CHL1: variants seen among roughly 807,000 people sequenced by gnomAD.
The protein encoded by CHL1 is neural cell adhesion molecule L1-like protein.
A neutral mutation model predicts 141.9 loss-of-function variants in CHL1; 96 were observed. That is an observed-to-expected ratio of 0.68 (90% CI 0.57 to 0.80). CHL1 has a LOEUF of 0.80. Ranked by LOEUF, CHL1 falls within the 30% of genes least tolerant of loss-of-function variation. The pLI is 0.00. For missense variants in CHL1, 1,820 were observed against 1,457.2 expected, an observed-to-expected ratio of 1.25 and a Z score of -4.05; for synonymous variants, 613 against 502.2, an observed-to-expected ratio of 1.22 and a Z score of -2.95.
chr3:398,411 A>T (rs774199785), intron 25 of CHL1, 26 bp downstream of exon 25: 8 of 1,498,644 alleles, frequency 5.3e-6, no homozygotes, highest in Non-Finnish European at 5.6e-6. Context: ...ATATTTGGGG[A>T]AGTCTTAGTC....
At position 398,973 on chromosome 3, in the gene CHL1, A is replaced by G. The variant is rs372147619; in HGVS notation, c.3254-44A>G. ...TCCCCAATGTTACAGAATACAAAAGACTGTTTCTAGTTTACAATGCTGTGA... is the reference window on the plus strand; with the variant it reads ...TCCCCAATGTTACAGAATACAAAAGGCTGTTTCTAGTTTACAATGCTGTGA... On this transcript the variant is annotated intron_variant, in intron 25 of 27. Coordinates refer to ENST00000256509, the MANE Select transcript of CHL1 (RefSeq NM_006614.4). 6 of 1,587,984 alleles carry G rather than the reference A, an allele frequency of 3.8e-6. No individual in the cohort carries two copies. In the African/African-American group the frequency reaches 6.7e-5, roughly 18 times the overall value.
intron 1 of CHL1, among the ~76,000 whole-genome samples, chr3:198,869 G>T (rs1000385969): frequency 6.6e-6 from 1 of 152,248 alleles, no homozygotes; most frequent in Non-Finnish European, 1.5e-5. Flanking sequence ...CCTTGCAGCA[G>T]ATTGGAAGAG....
chr3:308,163 A>G (rs993368670), intron 2 of CHL1, among the ~76,000 whole-genome samples: 15 of 152,330 alleles, frequency 9.8e-5, no homozygotes, highest in Admixed American at 3.9e-4. Context: ...CTTTGGATGA[A>G]TGAGAAAATA....
intron 2 of CHL1, among the ~76,000 whole-genome samples, chr3:256,604 C>T (rs1388754782): frequency 6.6e-6 from 1 of 152,216 alleles, no homozygotes; most frequent in Non-Finnish European, 1.5e-5. Flanking sequence ...TTCTGCAACA[C>T]TCAGGACAAC....
intron 2 of CHL1, among the ~76,000 whole-genome samples, chr3:296,706 T>A (rs1025866579): frequency 1.3e-5 from 2 of 152,202 alleles, no homozygotes; most frequent in African/African-American, 4.8e-5. Flanking sequence ...GGGAAGTTAT[T>A]TTTAAAATGG....
chr3:314,329 G>GTATATATATATATATATA lies in CHL1; in HGVS notation c.-94-5330_-94-5313dup, dbSNP rs56292297. On this transcript the variant is annotated intron_variant, in intron 2 of 27. Coordinates refer to ENST00000256509, the MANE Select transcript of CHL1 (RefSeq NM_006614.4). ...TCTCTTTCTCTCTCTCTCTCTATGT[G>GTATATATATATATATATA]TATATATATATATATATATATATAT... 1.1e-3 allele frequency among the ~76,000 whole-genome samples: 73 copies of GTATATATATATATATATA among 65,292 alleles called. 2 individuals are homozygous for GTATATATATATATATATA. The highest frequency in any genetic ancestry group is 1.6e-3 in the Non-Finnish European group (54 of 33,402). The allele number at this position is 65,292 out of a possible 152,430, so 42.8% of individuals were successfully genotyped here. A position where few individuals can be genotyped will look rare whatever the true frequency, so the allele number is the denominator to read the frequency against.
rs1396031417 is a variant in CHL1, at chr3:405,672, C to T, written c.3636C>T (p.Ser1212=). 1 of 1,613,368 alleles carries T rather than the reference C, an allele frequency of 6.2e-7. No homozygotes were observed. The highest frequency in any genetic ancestry group is 2.2e-5 in the East Asian group (1 of 44,844). Residue 1212 remains serine, a synonymous_variant, in exon 28 of 28, where the codon AGC becomes AGT. Transcript: ENST00000256509. ...CTAAGGAGAAGGGATCTGTTGAAAG[C>T]AATGGAAGTTCTACAGCAACTTTTC... ...AGSKEKGSVE[S]NGSSTATFPL... is the part of the protein sequence containing the mutation.
At chr3:227,244 A>G (rs982700691) in intron 1 of CHL1, among the ~76,000 whole-genome samples, 2 of 152,200 alleles carry the variant, frequency 1.3e-5, no homozygotes, top group Non-Finnish European at 2.9e-5. Flanking sequence ...ACTATTTTAT[A>G]GACAAGCTAT....
intron 1 of CHL1, among the ~76,000 whole-genome samples, chr3:198,539 C>G (rs944206794): frequency 6.6e-6 from 1 of 152,186 alleles, no homozygotes; most frequent in Non-Finnish European, 1.5e-5. Context: ...GCCTCAGTTT[C>G]CCTTTCTCAA....
At chr3:376,816 G>A (rs1439667124) in intron 15 of CHL1, among the ~76,000 whole-genome samples, 1 of 152,118 alleles carries the variant, frequency 6.6e-6, no homozygotes, top group Non-Finnish European at 1.5e-5. Flanking sequence ...GAATTATGGT[G>A]AGATTCTTGA....
intron 1 of CHL1, among the ~76,000 whole-genome samples, chr3:225,402 A>G (rs886379473): frequency 6.6e-6 from 1 of 152,244 alleles, no homozygotes; most frequent in East Asian, 1.9e-4. Flanking sequence ...TATATAGCAT[A>G]TTTAAACATT....
At chr3:366,225 C>CAA in intron 15 of CHL1, 110 bp downstream of exon 15, 1 of 1,017,230 alleles carries the variant, frequency 9.8e-7, no homozygotes, top group Non-Finnish European at 1.5e-6. Flanking sequence ...AATCCCAGCA[C>CAA]TTTGGGAGAC....
intron 1 of CHL1, among the ~76,000 whole-genome samples, chr3:207,036 G>A (rs1699504802): frequency 6.6e-6 from 1 of 152,172 alleles, no homozygotes; most frequent in Non-Finnish European, 1.5e-5. Context: ...CATAATGATG[G>A]CACTGTCTTT....
At chr3:251,765 A>T (rs961060364) in intron 2 of CHL1, among the ~76,000 whole-genome samples, 1 of 152,074 alleles carries the variant, frequency 6.6e-6, no homozygotes, top group South Asian at 2.1e-4. Context: ...GATTTTACTT[A>T]TATTTCTTTA....
Position 361,707 on chromosome 3 carries a change from C to T in CHL1, c.1315C>T (p.Pro439Ser). 1.2e-6 allele frequency: 2 copies of T among 1,607,946 alleles called. No homozygotes were observed. The highest frequency in any genetic ancestry group is 1.1e-5 in the South Asian group (1 of 90,886). Residue 439 changes from proline (P) to serine (S), a missense_variant, in exon 13 of 28, where the codon CCA (proline) becomes TCA (serine). By Grantham distance (74) the Pro-to-Ser change is moderately conservative. Coordinates refer to ENST00000256509, the MANE Select transcript of CHL1 (RefSeq NM_006614.4). ...NANIDVVDVR[P>S]LIQTKDGENY... Reference sequence around the variant, plus strand: ...ATGTTATTTTCAAATAGATGTCCGTCCATTGATACAAACCAAAGATGGAGA... The same window carrying T: ...ATGTTATTTTCAAATAGATGTCCGTTCATTGATACAAACCAAAGATGGAGA...
intron 5 of CHL1, among the ~76,000 whole-genome samples, chr3:339,916 T>C (rs1702229421): frequency 1.3e-5 from 2 of 152,200 alleles, no homozygotes; most frequent in Admixed American, 1.3e-4. Flanking sequence ...ACTGCCTTCC[T>C]AAGATCCTTC....
chr3:359,458 A>G (rs890859801), intron 11 of CHL1, among the ~76,000 whole-genome samples: 1 of 151,940 alleles, frequency 6.6e-6, no homozygotes, highest in Non-Finnish European at 1.5e-5. Context: ...GTGCACCACC[A>G]CACCTGGCTG....
intron 2 of CHL1, among the ~76,000 whole-genome samples, chr3:285,962 T>G (rs568686091): frequency 1.3e-5 from 2 of 152,140 alleles, no homozygotes; most frequent in East Asian, 1.9e-4. Flanking sequence ...TCTCTGGCAG[T>G]TTTTTTTCTC....
chr3:348,463 C>A (rs150926077), intron 9 of CHL1, among the ~76,000 whole-genome samples: 2 of 152,176 alleles, frequency 1.3e-5, no homozygotes, highest in Non-Finnish European at 2.9e-5. Context: ...AGAACCAACC[C>A]TTTATGCTTT....
Sources: gnomAD v4.1 joint callset for allele counts (sites outside exome capture counted in the v4.1 genomes callset) on GRCh38, gnomAD v4.1.1 for gene constraint, MANE v1.5 for transcripts, NCBI Gene and HGNC (gene_info 2026-07-23, HGNC 2026-07-21) for gene names.